Variants in CTNNA3 observed in about 807,000 individuals in gnomAD.
The protein encoded by CTNNA3 is catenin alpha 3.
A neutral mutation model predicts 95.7 loss-of-function variants in CTNNA3; 76 were observed. The ratio of observed to expected loss-of-function variants is 0.79; its 90% CI spans 0.66 to 0.96. The LOEUF is 0.96. Among genes scored for constraint, CTNNA3 ranks in the 40% least tolerant of loss-of-function variants. CTNNA3 has a pLI of 0.00. For synonymous variants in CTNNA3, 431 were observed against 374.4 expected (o/e 1.15, Z -1.74); for missense variants, 1,191 against 1,089.8 (o/e 1.09, Z -1.31).
At chr10:66,839,007 G>A (rs914135814) in intron 7 of CTNNA3, among the ~76,000 whole-genome samples, 1 of 146,084 alleles carries the variant, frequency 6.8e-6, no homozygotes, top group Non-Finnish European at 1.5e-5. Flanking sequence ...CTATGTTATC[G>A]ATGTATGCCA....
intron 13 of CTNNA3, among the ~76,000 whole-genome samples, chr10:66,258,081 C>T (rs2090858996): frequency 6.6e-6 from 1 of 152,176 alleles, no homozygotes; most frequent in African/African-American, 2.4e-5. Flanking sequence ...ATAGCCTCCA[C>T]CTTTTCGGAC....
At chr10:66,993,807 T>C (rs1851175899) in intron 7 of CTNNA3, among the ~76,000 whole-genome samples, 1 of 152,174 alleles carries the variant, frequency 6.6e-6, no homozygotes, top group Non-Finnish European at 1.5e-5. Flanking sequence ...ATATATTTTG[T>C]TTTGCAAATT....
intron 7 of CTNNA3, among the ~76,000 whole-genome samples, chr10:67,142,031 C>T (rs560521940): frequency 1.3e-5 from 2 of 151,986 alleles, no homozygotes; most frequent in East Asian, 3.9e-4. Flanking sequence ...TTTCCATATG[C>T]TTGATTTATA....
chr10:67,362,792 A>G (rs369803457), intron 5 of CTNNA3, among the ~76,000 whole-genome samples: 10 of 66,414 alleles, frequency 1.5e-4, no homozygotes, highest in Non-Finnish European at 2.4e-4. Flanking sequence ...AAGGCATTCA[A>G]ATAGAAAAAA....
intron 9 of CTNNA3, among the ~76,000 whole-genome samples, chr10:66,721,132 G>A (rs1259612416): frequency 1.3e-5 from 2 of 152,184 alleles, no homozygotes; most frequent in African/African-American, 4.8e-5. Context: ...GAGGGCTAGA[G>A]TGAGAGTTCA....
rs552284273 is a variant in CTNNA3 at position 67,732,060 on chromosome 10, G to T, written c.-2+31374C>A. Among the ~76,000 whole-genome samples, 281 of 150,686 alleles carry T rather than the reference G, an allele frequency of 1.9e-3. 1 individual carries two copies. The highest frequency in any genetic ancestry group is 6.6e-3 in the African/African-American group (272 of 41,138). ...CTCCCAAAGTGCTGAGATTACAGGC[G>T]TGAGCCATCATGCCTGGCCCATCTT... On this transcript the variant is annotated intron_variant, in intron 1 of 17. Coordinates refer to the CTNNA3 transcript ENST00000684154.
chr10:67,586,249 C>T (rs1842621248), intron 3 of CTNNA3, among the ~76,000 whole-genome samples: 2 of 152,146 alleles, frequency 1.3e-5, no homozygotes, highest in South Asian at 4.1e-4. Flanking sequence ...AATATATGGT[C>T]TATCTTGGAG....
intron 8 of CTNNA3, among the ~76,000 whole-genome samples, chr10:66,769,876 T>C (rs563881624): frequency 6.6e-6 from 1 of 152,212 alleles, no homozygotes; most frequent in Non-Finnish European, 1.5e-5. Flanking sequence ...GCTTTTCATG[T>C]TCTATAACAC....
chr10:67,306,127 A>T (rs969439199), intron 5 of CTNNA3, among the ~76,000 whole-genome samples: 1 of 152,204 alleles, frequency 6.6e-6, no homozygotes, highest in African/African-American at 2.4e-5. Flanking sequence ...TCTTTTAAAA[A>T]AGCTTAACAG....
chr10:66,106,602 A>G (rs989249432), intron 13 of CTNNA3, among the ~76,000 whole-genome samples: 7 of 152,100 alleles, frequency 4.6e-5, no homozygotes, highest in Non-Finnish European at 1.0e-4. Context: ...AGTTACACTA[A>G]GATGCTTTGG....
At chr10:66,297,868 C>T (rs943435876) in intron 12 of CTNNA3, among the ~76,000 whole-genome samples, 4 of 152,164 alleles carry the variant, frequency 2.6e-5, no homozygotes, top group African/African-American at 9.6e-5. Flanking sequence ...GTCCAGCTTG[C>T]GAGGATGGAG....
chr10:66,359,621 T>A lies in CTNNA3; in HGVS notation c.1732+19531A>T, dbSNP rs2092637684. ...TAGCATCAATTAGGAGATACATGCA[T>A]ACCTCTGTTCTGTTTTGCATTAAAG... On this transcript the variant is annotated intron_variant, in intron 12 of 17. Transcript: ENST00000433211. Among the ~76,000 whole-genome samples, 4 of 152,280 alleles carry A rather than the reference T, an allele frequency of 2.6e-5. No individual in the cohort carries two copies. In the South Asian group the frequency reaches 8.3e-4, roughly 32 times the overall value.
intron 13 of CTNNA3, among the ~76,000 whole-genome samples, chr10:66,125,144 G>A (rs1564672663): frequency 6.6e-6 from 1 of 152,118 alleles, no homozygotes; most frequent in Non-Finnish European, 1.5e-5. Context: ...GAAATGATGT[G>A]TTAGAAACTT....
chr10:66,649,945 A>G (rs1200660296), intron 9 of CTNNA3, among the ~76,000 whole-genome samples: 1 of 152,198 alleles, frequency 6.6e-6, no homozygotes, highest in Non-Finnish European at 1.5e-5. Context: ...AAGCTAAAAC[A>G]TCCCATGCAG....
intron 1 of CTNNA3, among the ~76,000 whole-genome samples, chr10:67,720,128 G>GTTTTTTTTTTTTTT (rs1564839853): frequency 7.5e-4 from 2 of 2,660 alleles, no homozygotes; most frequent in African/African-American, 4.7e-3. Flanking sequence ...TGCAACCCCT[G>GTTTTTTTTTTTTTT]CTTTTTTTTT....
At chr10:66,815,895 T>A (rs1198962352) in intron 7 of CTNNA3, among the ~76,000 whole-genome samples, 1 of 152,176 alleles carries the variant, frequency 6.6e-6, no homozygotes, top group Non-Finnish European at 1.5e-5. Flanking sequence ...GTAACTTGAA[T>A]TCAGATGAAG....
At chr10:66,660,131 T>C (rs1226351773) in intron 9 of CTNNA3, among the ~76,000 whole-genome samples, 2 of 152,088 alleles carry the variant, frequency 1.3e-5, no homozygotes, top group African/African-American at 2.4e-5. Context: ...CTATTCCTCA[T>C]TCTAAGAGAG....
At chr10:67,365,620 A>G (rs532086617) in intron 5 of CTNNA3, among the ~76,000 whole-genome samples, 3 of 152,348 alleles carry the variant, frequency 2.0e-5, no homozygotes, top group African/African-American at 7.2e-5. Context: ...CAGACACATG[A>G]AAAAATGCTC....
chr10:67,384,732 G>C (rs1271010383), intron 5 of CTNNA3, among the ~76,000 whole-genome samples: 2 of 152,170 alleles, frequency 1.3e-5, no homozygotes, highest in Non-Finnish European at 2.9e-5. Context: ...ACTCAGTTTA[G>C]AGAAAAAGCT....
Sources: gnomAD v4.1 joint callset for allele counts (sites outside exome capture counted in the v4.1 genomes callset) on GRCh38, gnomAD v4.1.1 for gene constraint, MANE v1.5 for transcripts, NCBI Gene and HGNC (gene_info 2026-07-23, HGNC 2026-07-21) for gene names.